Variants in SOX5 observed in about 807,000 individuals in gnomAD.
SOX5 encodes the protein transcription factor SOX-5.
A neutral mutation model predicts 92.0 loss-of-function variants in SOX5; 9 were observed. The ratio of observed to expected loss-of-function variants is 0.10; its 90% CI spans 0.06 to 0.17. The LOEUF is 0.17. Ranked by LOEUF, SOX5 falls within the 10% of genes least tolerant of loss-of-function variation. The probability of loss-of-function intolerance (pLI) is 1.00; values close to 1 mark genes in which losing one functional copy is unlikely to be tolerated. For synonymous variants in SOX5, 344 were observed against 336.3 expected (o/e 1.02, Z -0.25); for missense variants, 642 against 944.5 (o/e 0.68, Z 4.20).
intron 4 of SOX5, among the ~76,000 whole-genome samples, chr12:24,211,292 C>T (rs1026276164): frequency 1.3e-5 from 2 of 152,186 alleles, no homozygotes; most frequent in Non-Finnish European, 2.9e-5. Context: ...AGTATCTCTG[C>T]TTTATTTTTC....
At chr12:23,955,762 C>T (rs1189133694), upstream of SOX5, among the ~76,000 whole-genome samples, 3 of 151,684 alleles carry the variant, frequency 2.0e-5, no homozygotes, top group African/African-American at 7.3e-5. Context: ...AAAAAAAATC[C>T]ATATAACCCA....
intron 2 of SOX5, among the ~76,000 whole-genome samples, chr12:24,289,726 A>T (rs1349070939): frequency 8.3e-6 from 1 of 120,536 alleles, no homozygotes; most frequent in African/African-American, 4.8e-5. Flanking sequence ...AAGTGCTGGG[A>T]TTACAGGCGT....
At chr12:24,335,972 C>CATATATATATATAT (rs57461232) in intron 2 of SOX5, among the ~76,000 whole-genome samples, 973 of 58,594 alleles carry the variant, frequency 0.017, 114 homozygotes, top group African/African-American at 0.041. Flanking sequence ...GAAATGCTAT[C>CATATATATATATAT]ATATATATAT....
At chr12:23,747,977 C>A (rs79466548) in intron 4 of SOX5, among the ~76,000 whole-genome samples, 10 of 112,034 alleles carry the variant, frequency 8.9e-5, no homozygotes, top group East Asian at 2.9e-4. Flanking sequence ...AAAAAAAAAA[C>A]GAATACAATC....
chr12:24,080,295 T>G (rs987744006), intron 4 of SOX5, among the ~76,000 whole-genome samples: 1 of 151,972 alleles, frequency 6.6e-6, no homozygotes, highest in Non-Finnish European at 1.5e-5. Flanking sequence ...ATATTTAGTA[T>G]AGATTAACCA....
At chr12:24,339,393 CAT>C (rs1003598632) in intron 2 of SOX5, among the ~76,000 whole-genome samples, 5 of 151,960 alleles carry the variant, frequency 3.3e-5, no homozygotes, top group African/African-American at 1.2e-4. Context: ...GAGGGTACAA[CAT>C]GTGTGTGCAA....
chr12:24,238,298 G>T (rs1964901741), intron 3 of SOX5, among the ~76,000 whole-genome samples: 1 of 152,118 alleles, frequency 6.6e-6, no homozygotes, highest in Non-Finnish European at 1.5e-5. Context: ...AGGAAGAGGA[G>T]GCAGAACTAA....
intron 4 of SOX5, among the ~76,000 whole-genome samples, chr12:24,201,355 A>G (rs1454394553): frequency 1.3e-5 from 2 of 152,120 alleles, no homozygotes. Flanking sequence ...CAGGAAAAAA[A>G]AAAATGCACC....
intron 3 of SOX5, among the ~76,000 whole-genome samples, chr12:23,755,986 T>C (rs1189982898): frequency 1.3e-5 from 2 of 151,892 alleles, no homozygotes; most frequent in African/African-American, 2.4e-5. Flanking sequence ...TTGCGGTTCA[T>C]TGTTTTTCAA....
At chr12:23,784,031 A>G (rs1223729077) in intron 3 of SOX5, among the ~76,000 whole-genome samples, 1 of 152,240 alleles carries the variant, frequency 6.6e-6, no homozygotes, top group African/African-American at 2.4e-5. Flanking sequence ...TAACTGCTGA[A>G]TAATTAACAT....
chr12:23,815,921 C>T (rs950407259), intron 3 of SOX5, among the ~76,000 whole-genome samples: 40 of 152,098 alleles, frequency 2.6e-4, no homozygotes, highest in African/African-American at 9.7e-4. Context: ...CTACTCAACC[C>T]TACCATTGTA....
intron 6 of SOX5, among the ~76,000 whole-genome samples, chr12:23,696,294 T>C (rs984950499): frequency 6.6e-6 from 1 of 152,132 alleles, no homozygotes; most frequent in African/African-American, 2.4e-5. Flanking sequence ...GAAAATTGTA[T>C]TTCTTTAGTA....
chr12:24,103,767 C>T (rs1946362194), intron 4 of SOX5, among the ~76,000 whole-genome samples: 1 of 152,176 alleles, frequency 6.6e-6, no homozygotes, highest in African/African-American at 2.4e-5. Context: ...CATGTTCTGA[C>T]TCATAATTTG....
chr12:23,970,841 A>ATATATATATATTTTTTTT lies in SOX5; in HGVS notation c.-1-74818_-1-74817insAAAAAAAATATATATATA. Among the ~76,000 whole-genome samples, 33 of 21,882 alleles carry ATATATATATATTTTTTTT rather than the reference A, an allele frequency of 1.5e-3. 5 individuals carry two copies. Among genetic ancestry groups the ATATATATATATTTTTTTT allele is most frequent in the South Asian group, 8.8e-3 (4 of 454 alleles). 14.4% of individuals were successfully genotyped at this position (21,882 alleles called of 152,430 possible). ...ACATGGGACTTTATATATATATATA[A>ATATATATATATTTTTTTT]TTTTTTTTTTTTTTTAAGAAATGGG... On this transcript the variant is annotated intron_variant, in intron 4 of 4. Transcript: ENST00000446891.
At chr12:23,786,435 T>C (rs1455348124) in intron 3 of SOX5, among the ~76,000 whole-genome samples, 1 of 151,606 alleles carries the variant, frequency 6.6e-6, no homozygotes, top group Non-Finnish European at 1.5e-5. Flanking sequence ...GGGAAAATAA[T>C]CATGTAAATG....
At chr12:23,552,351 T>C (rs796898090) in intron 11 of SOX5, among the ~76,000 whole-genome samples, 13 of 151,844 alleles carry the variant, frequency 8.6e-5, no homozygotes, top group African/African-American at 3.1e-4. Context: ...TCTTTTTTAA[T>C]AGGTGTTGGA....
At chr12:23,591,909 A>G (rs1951620515) in intron 9 of SOX5, among the ~76,000 whole-genome samples, 1 of 152,174 alleles carries the variant, frequency 6.6e-6, no homozygotes. Context: ...GTAGTATTTC[A>G]TCCTTTCTAT....
chr12:23,957,014 C>T (rs1426045052), intron 4 of SOX5, among the ~76,000 whole-genome samples: 1 of 152,136 alleles, frequency 6.6e-6, no homozygotes, highest in Non-Finnish European at 1.5e-5. Context: ...TCTAAGGTCC[C>T]TTTCAATTAC....
Position 24,156,119 on chromosome 12 carries a change from A to G in SOX5, c.-2+57224T>C, listed in dbSNP as rs1299104455. Among the ~76,000 whole-genome samples, 6 of 152,092 alleles carry G rather than the reference A, an allele frequency of 3.9e-5. No individual in the cohort carries two copies. The East Asian group carries it at 9.7e-4, about 25-fold the overall frequency. On this transcript the variant is annotated intron_variant, in intron 4 of 4. Transcript: ENST00000446891. The stretch of plus-strand genomic sequence containing the variant: ...CTAAGGCCTCTTCCACTGTAGGAAC[A>G]TGGAGCGGGAAGTGCCTGGGAGTCG...
Sources: gnomAD v4.1 joint callset for allele counts (sites outside exome capture counted in the v4.1 genomes callset) on GRCh38, gnomAD v4.1.1 for gene constraint, MANE v1.5 for transcripts, NCBI Gene and HGNC (gene_info 2026-07-23, HGNC 2026-07-21) for gene names.